The following CRPPA variants were observed in gnomAD, a reference collection of about 807,000 sequenced individuals.
CRPPA encodes D-ribitol-5-phosphate cytidylyltransferase.
CRPPA carries 43 observed loss-of-function variants against 52.0 expected under a neutral mutation model. The observed-to-expected ratio is 0.83, with a 90% CI of 0.65 to 1.07. CRPPA has a LOEUF of 1.07. CRPPA is among the 50% of genes least tolerant of loss of function. CRPPA has a pLI of 0.00. For missense variants in CRPPA, 629 were observed against 551.7 expected, an observed-to-expected ratio of 1.14 and a Z score of -1.40; for synonymous variants, 250 against 203.5, an observed-to-expected ratio of 1.23 and a Z score of -1.94.
At chr7:16,324,525 G>A (rs1002456610) in intron 3 of CRPPA, among the ~76,000 whole-genome samples, 2 of 152,194 alleles carry the variant, frequency 1.3e-5, no homozygotes, top group African/African-American at 4.8e-5. Context: ...CTGACTTTGG[G>A]CACTGGCCTT....
intron 9 of CRPPA, among the ~76,000 whole-genome samples, chr7:16,124,492 C>T (rs753966551): frequency 6.6e-6 from 1 of 152,056 alleles, no homozygotes; most frequent in Admixed American, 6.6e-5. Flanking sequence ...GAGATAAATG[C>T]TACATGTTCT....
chr7:16,355,582 A>C (rs1232268268), intron 3 of CRPPA, among the ~76,000 whole-genome samples: 3 of 152,174 alleles, frequency 2.0e-5, no homozygotes, highest in African/African-American at 7.2e-5. Context: ...CAGAGTTAGA[A>C]AGTGTTTTAG....
chr7:16,413,172 A>C (rs1210253130), intron 1 of CRPPA, among the ~76,000 whole-genome samples: 3 of 152,132 alleles, frequency 2.0e-5, no homozygotes, highest in Non-Finnish European at 4.4e-5. Context: ...ACTGACCCTG[A>C]CGTTTTAGCA....
intron 3 of CRPPA, among the ~76,000 whole-genome samples, chr7:16,359,344 A>G (rs1018725092): frequency 6.6e-6 from 1 of 152,182 alleles, no homozygotes; most frequent in African/African-American, 2.4e-5. Flanking sequence ...TTACTAGTAC[A>G]CATGTAATTC....
chr7:16,242,238 G>A (rs1783137033), intron 8 of CRPPA, among the ~76,000 whole-genome samples: 1 of 151,986 alleles, frequency 6.6e-6, no homozygotes, highest in Admixed American at 6.6e-5. Flanking sequence ...ACAGGCTTGA[G>A]ACACCGCGCC....
At position 16,091,333 on chromosome 7, in the gene CRPPA, CA is replaced by C. The variant is rs1781832537; in HGVS notation, c.*361del. On this transcript the variant is annotated 3_prime_UTR_variant, in exon 10 of 10. Coordinates refer to ENST00000407010, the MANE Select transcript of CRPPA (RefSeq NM_001101426.4). The stretch of plus-strand genomic sequence containing the variant: ...CATAATAGTGTAAATTATTAATTAA[CA>C]GTTAGGATAATAACTGAAGTTTTCT... 1 of 179,064 alleles carries C rather than the reference CA, an allele frequency of 5.6e-6. No individual in the cohort carries two copies. The highest frequency in any genetic ancestry group is 2.4e-5 in the African/African-American group (1 of 41,646). 11.1% of individuals were successfully genotyped at this position (179,064 alleles called of 1,614,324 possible).
At chr7:16,230,524 A>T (rs1372867078) in intron 8 of CRPPA, among the ~76,000 whole-genome samples, 3 of 152,070 alleles carry the variant, frequency 2.0e-5, no homozygotes, top group African/African-American at 7.2e-5. Context: ...TATATTTCAC[A>T]TTCTGGTCAC....
At chr7:16,215,107 A>G (rs1433723514) in intron 9 of CRPPA, among the ~76,000 whole-genome samples, 1 of 152,266 alleles carries the variant, frequency 6.6e-6, no homozygotes, top group Non-Finnish European at 1.5e-5. Context: ...TAGTTTCAGA[A>G]GAAATGTTAC....
intron 9 of CRPPA, among the ~76,000 whole-genome samples, chr7:16,116,263 CTT>C (rs1039989810): frequency 1.3e-5 from 2 of 152,154 alleles, no homozygotes; most frequent in African/African-American, 4.8e-5. Context: ...CAGTGGTATT[CTT>C]GCCTAAATGC....
intron 2 of CRPPA, among the ~76,000 whole-genome samples, chr7:16,389,925 AAAAATATATATATATAT>A (rs1405984321): frequency 2.1e-4 from 15 of 72,366 alleles, no homozygotes; most frequent in African/African-American, 8.1e-4. Flanking sequence ...AAAAAAAAAA[AAAAATATATATATATAT>A]ATATATATAT....
chr7:16,305,641 G>A (rs901751931), intron 4 of CRPPA, among the ~76,000 whole-genome samples: 5 of 152,182 alleles, frequency 3.3e-5, no homozygotes, highest in African/African-American at 1.2e-4. Flanking sequence ...GCCAAGACGG[G>A]CAGATCACAA....
chr7:16,215,595 T>C (rs1407251733), intron 9 of CRPPA, among the ~76,000 whole-genome samples: 1 of 152,198 alleles, frequency 6.6e-6, no homozygotes, highest in African/African-American at 2.4e-5. Context: ...TTTAGGGAGA[T>C]AAACAATTGA....
chr7:16,162,367 G>C (rs1169937694), intron 9 of CRPPA, among the ~76,000 whole-genome samples: 3 of 152,142 alleles, frequency 2.0e-5, no homozygotes, highest in East Asian at 1.9e-4. Flanking sequence ...AGATATTCTA[G>C]TATGTTGTGT....
intron 3 of CRPPA, among the ~76,000 whole-genome samples, chr7:16,352,879 G>GCA (rs56733439): frequency 0.019 from 2,741 of 142,304 alleles, 74 homozygotes; most frequent in African/African-American, 0.055. Context: ...AAGTAACATG[G>GCA]CACACACACA....
chr7:16,239,334 G>A (rs1783041849), intron 8 of CRPPA, among the ~76,000 whole-genome samples: 1 of 151,504 alleles, frequency 6.6e-6, no homozygotes, highest in Non-Finnish European at 1.5e-5. Flanking sequence ...CATTTTACAA[G>A]TTACATTTAT....
At chr7:16,345,435 A>G (rs1001532255) in intron 3 of CRPPA, among the ~76,000 whole-genome samples, 3 of 152,180 alleles carry the variant, frequency 2.0e-5, no homozygotes, top group Non-Finnish European at 2.9e-5. Context: ...AAGCACATAT[A>G]CAAATAAGTA....
intron 8 of CRPPA, among the ~76,000 whole-genome samples, chr7:16,257,770 A>G (rs1295155): frequency 0.79 from 119,915 of 151,866 alleles, 48,108 homozygotes; most frequent in African/African-American, 0.94. Context: ...AATTTAGAGG[A>G]CTTGGGCTCT....
At chr7:16,249,932 C>G (rs1783397195) in intron 8 of CRPPA, among the ~76,000 whole-genome samples, 1 of 152,130 alleles carries the variant, frequency 6.6e-6, no homozygotes, top group African/African-American at 2.4e-5. Flanking sequence ...ACAAACTCCT[C>G]CGAGCTAAGG....
At chr7:16,194,254 C>A (rs1399127623) in intron 9 of CRPPA, among the ~76,000 whole-genome samples, 7 of 152,032 alleles carry the variant, frequency 4.6e-5, no homozygotes, top group African/African-American at 1.4e-4. Flanking sequence ...AACACTATTG[C>A]CCTAGAACAC....
Sources: gnomAD v4.1 joint callset for allele counts (sites outside exome capture counted in the v4.1 genomes callset) on GRCh38, gnomAD v4.1.1 for gene constraint, MANE v1.5 for transcripts, NCBI Gene and HGNC (gene_info 2026-07-23, HGNC 2026-07-21) for gene names.